TSPEAR: variants seen among roughly 807,000 people sequenced by gnomAD.
TSPEAR encodes thrombospondin-type laminin G domain and EAR repeat-containing protein.
In TSPEAR, 69 loss-of-function variants were observed where a neutral mutation model predicts 71.6. That is an observed-to-expected ratio of 0.96 (90% CI 0.79 to 1.18). TSPEAR has a LOEUF of 1.18. Ranked by LOEUF, TSPEAR falls within the 50% of genes most tolerant of loss-of-function variation. The probability of loss-of-function intolerance (pLI) is 0.00; values close to 1 mark genes in which losing one functional copy is unlikely to be tolerated. For synonymous variants in TSPEAR, 402 were observed against 387.2 expected, an observed-to-expected ratio of 1.04 and a Z score of -0.45; for missense variants, 971 against 894.9, an observed-to-expected ratio of 1.09 and a Z score of -1.09.
At chr21:44,643,207 G>A (rs28587109) in intron 1 of TSPEAR, among the ~76,000 whole-genome samples, 23,676 of 152,160 alleles carry the variant, frequency 0.16, 2,077 homozygotes, top group Non-Finnish European at 0.2. Context: ...ATCTAAAAAA[G>A]CCAAGTTCAC....
chr21:44,666,292 T>C, intron 1 of TSPEAR: 1 of 978,810 alleles, frequency 1.0e-6, no homozygotes, highest in Non-Finnish European at 1.5e-6. Context: ...GGGCTCCAGA[T>C]CATTCTGTCA....
chr21:44,661,878 T>G (rs1985516113), intron 1 of TSPEAR, among the ~76,000 whole-genome samples: 1 of 151,962 alleles, frequency 6.6e-6, no homozygotes, highest in Non-Finnish European at 1.5e-5. Flanking sequence ...TCATGAGAAA[T>G]CCACCCCCGT....
chr21:44,637,281 A>G (rs587616217), intron 1 of TSPEAR: 127 of 1,193,538 alleles, frequency 1.1e-4, no homozygotes, highest in African/African-American at 1.0e-3. Flanking sequence ...AGGGGAGGGC[A>G]TTGCTGAGTC....
chr21:44,694,498 G>A (rs1389321305), intron 1 of TSPEAR, among the ~76,000 whole-genome samples: 1 of 152,176 alleles, frequency 6.6e-6, no homozygotes. Flanking sequence ...AGTGGTGGTG[G>A]TTGCACAGCA....
rs1489056579 is a variant in TSPEAR at position 44,533,768 on chromosome 21, C to T, written c.459G>A (p.Val153=). 1.9e-6 allele frequency: 3 copies of T among 1,612,346 alleles called. No individual in the cohort carries two copies. In the African/African-American group the frequency reaches 4.0e-5, roughly 22 times the overall value. The change falls in exon 3 of 12, where the codon GTG becomes GTA. Residue 153 remains valine (V), a synonymous_variant. Coordinates refer to ENST00000323084, the MANE Select transcript of TSPEAR (RefSeq NM_144991.3). ...GGACCAGTGTGTGCCAGCGGCCATC[C>T]ACCAGGGCCGGGCTGCGGAAGGACA... ...TRVSFRSPAL[V]DGRWHTLVLA...
At chr21:44,699,510 T>C (rs1555951245) in intron 1 of TSPEAR, among the ~76,000 whole-genome samples, 1 of 150,848 alleles carries the variant, frequency 6.6e-6, no homozygotes, top group Non-Finnish European at 1.5e-5. Flanking sequence ...TGACCCCATC[T>C]CACCCCCAGC....
intron 1 of TSPEAR, among the ~76,000 whole-genome samples, chr21:44,644,005 C>T (rs1439809184): frequency 1.3e-5 from 2 of 152,232 alleles, no homozygotes; most frequent in Non-Finnish European, 2.9e-5. Flanking sequence ...AAATGTGTGT[C>T]ACTTGCAGAA....
intron 1 of TSPEAR, among the ~76,000 whole-genome samples, chr21:44,570,010 TC>T (rs1455763745): frequency 1.3e-5 from 2 of 151,846 alleles, no homozygotes; most frequent in Admixed American, 6.6e-5. Flanking sequence ...CTACTGCCCC[TC>T]CCCCCAGTCT....
chr21:44,594,673 C>G (rs368297461), intron 1 of TSPEAR, among the ~76,000 whole-genome samples: 8 of 152,318 alleles, frequency 5.3e-5, no homozygotes, highest in Admixed American at 2.0e-4. Flanking sequence ...CCAACCTGGT[C>G]AGCGTGGAGC....
chr21:44,541,393 A>G (rs371212429), intron 2 of TSPEAR, among the ~76,000 whole-genome samples: 17 of 152,374 alleles, frequency 1.1e-4, no homozygotes, highest in South Asian at 1.0e-3. Context: ...ACTGGCTTAC[A>G]TCAGACTGGC....
rs117993969 is a variant in TSPEAR, at chr21:44,600,445, G to C, written c.83-32440C>G. 4.6e-3 allele frequency among the ~76,000 whole-genome samples: 698 copies of C among 152,252 alleles called. 12 individuals are homozygous for C. In the South Asian group the frequency reaches 0.046, roughly 10 times the overall value. ...AAACATGAAACTCGCACTAATAAGCGTTCTCTAGGTTTTAAACACAAACAA... is the reference window on the plus strand; with the variant it reads ...AAACATGAAACTCGCACTAATAAGCCTTCTCTAGGTTTTAAACACAAACAA... On this transcript the variant is annotated intron_variant, in intron 1 of 11. Coordinates refer to ENST00000323084, the MANE Select transcript of TSPEAR (RefSeq NM_144991.3).
intron 2 of TSPEAR, among the ~76,000 whole-genome samples, chr21:44,542,321 T>C (rs1030564896): frequency 6.6e-6 from 1 of 152,248 alleles, no homozygotes; most frequent in African/African-American, 2.4e-5. Flanking sequence ...AACATGCCTA[T>C]ATTTTGTGAA....
intron 1 of TSPEAR, chr21:44,628,173 C>T (rs1983006516): frequency 4.7e-6 from 6 of 1,269,480 alleles, no homozygotes; most frequent in Non-Finnish European, 6.5e-6. Context: ...CACAGCCGCC[C>T]AGCCCCGGGG....
chr21:44,573,052 A>G (rs1978289747), intron 1 of TSPEAR, among the ~76,000 whole-genome samples: 1 of 152,072 alleles, frequency 6.6e-6, no homozygotes, highest in African/African-American at 2.4e-5. Context: ...TCGATCTCAG[A>G]CTTCTGGCTT....
intron 1 of TSPEAR, chr21:44,580,735 G>A (rs1978918021): frequency 2.6e-6 from 2 of 762,130 alleles, no homozygotes; most frequent in South Asian, 1.8e-5. Flanking sequence ...GGCTCCACAA[G>A]CTTCTCTTCC....
intron 1 of TSPEAR, chr21:44,646,603 C>G (rs1317297389): frequency 8.1e-6 from 13 of 1,612,658 alleles, no homozygotes; most frequent in Non-Finnish European, 1.0e-5. Context: ...GGTCTGCACC[C>G]CAGTGAGCTG....
chr21:44,558,670 A>C lies in TSPEAR; in HGVS notation c.303+9115T>G, dbSNP rs763079022. Reference sequence around the variant, plus strand: ...TCTGGGCAGGCGTCCACCTGCCAGGAGTCAGAGTAAGCGCTGGAGCAGACG... The same window carrying C: ...TCTGGGCAGGCGTCCACCTGCCAGGCGTCAGAGTAAGCGCTGGAGCAGACG... On this transcript the variant is annotated intron_variant, in intron 2 of 11. Coordinates refer to ENST00000323084, the MANE Select transcript of TSPEAR (RefSeq NM_144991.3). 7.6e-5 allele frequency: 123 copies of C among 1,613,076 alleles called. No individual in the cohort carries two copies. The Middle Eastern group carries it at 1.1e-3, about 14-fold the overall frequency.
intron 9 of TSPEAR, among the ~76,000 whole-genome samples, chr21:44,512,099 GGACA>G (rs1158580566): frequency 6.6e-6 from 1 of 152,204 alleles, no homozygotes; most frequent in African/African-American, 2.4e-5. Context: ...AGGAACTGCA[GGACA>G]GACACACAGG....
intron 1 of TSPEAR, among the ~76,000 whole-genome samples, chr21:44,649,375 G>T (rs961853167): frequency 2.0e-5 from 3 of 152,172 alleles, no homozygotes; most frequent in Non-Finnish European, 4.4e-5. Context: ...CCTGGTAACG[G>T]AAGTTTCTAG....
Sources: gnomAD v4.1 joint callset for allele counts (sites outside exome capture counted in the v4.1 genomes callset) on GRCh38, gnomAD v4.1.1 for gene constraint, MANE v1.5 for transcripts, NCBI Gene and HGNC (gene_info 2026-07-23, HGNC 2026-07-21) for gene names.